GRIN2B: variants seen among roughly 807,000 people sequenced by gnomAD.
GRIN2B encodes glutamate receptor ionotropic, NMDA 2B.
A neutral mutation model predicts 114.5 loss-of-function variants in GRIN2B; 5 were observed. That is an observed-to-expected ratio of 0.04 (90% CI 0.02 to 0.09). The LOEUF is 0.09. Among genes scored for constraint, GRIN2B ranks in the 10% least tolerant of loss-of-function variants. GRIN2B has a pLI of 1.00. For missense variants in GRIN2B, 1,108 were observed against 1,943.5 expected (o/e 0.57, Z 8.08); for synonymous variants, 787 against 745.1 (o/e 1.06, Z -0.92).
chr12:13,833,780 C>A (rs1274868522), intron 3 of GRIN2B, among the ~76,000 whole-genome samples: 1 of 152,150 alleles, frequency 6.6e-6, no homozygotes, highest in African/African-American at 2.4e-5. Flanking sequence ...GCATAAGGGA[C>A]TTTTCCACAG....
At chr12:13,765,570 T>C (rs1212710940) in intron 3 of GRIN2B, among the ~76,000 whole-genome samples, 2 of 152,242 alleles carry the variant, frequency 1.3e-5, no homozygotes. Context: ...TAAAGATTAT[T>C]ACTAAGCCCA....
intron 3 of GRIN2B, among the ~76,000 whole-genome samples, chr12:13,807,940 G>C (rs1864640791): frequency 6.6e-6 from 1 of 152,024 alleles, no homozygotes; most frequent in East Asian, 1.9e-4. Context: ...TCCATAATCT[G>C]TTATGCTTTT....
intron 3 of GRIN2B, among the ~76,000 whole-genome samples, chr12:13,842,061 C>T (rs753984163): frequency 6.6e-6 from 1 of 152,112 alleles, no homozygotes; most frequent in Non-Finnish European, 1.5e-5. Context: ...GCAAAGTCCC[C>T]ACCAAGACTG....
intron 3 of GRIN2B, among the ~76,000 whole-genome samples, chr12:13,795,988 G>A (rs1283044052): frequency 1.3e-5 from 2 of 151,134 alleles, no homozygotes; most frequent in East Asian, 2.0e-4. Flanking sequence ...TGTAAATGAC[G>A]AGTTAATGGG....
At position 13,870,278 on chromosome 12, in the gene GRIN2B, A is replaced by G. The variant is rs80348475; in HGVS notation, c.-18-4052T>C. Among the ~76,000 whole-genome samples, 548 of 152,322 alleles carry G rather than the reference A, an allele frequency of 3.6e-3. 2 individuals are homozygous for G. The highest frequency in any genetic ancestry group is 0.01 in the Middle Eastern group (3 of 294). ...CCAGTATTGGGAATCAGTGGAGCTC[A>G]GCATATCGAAATCATGCCATGAATT... On this transcript the variant is annotated intron_variant, in intron 2 of 13. Coordinates refer to ENST00000609686, the MANE Select transcript of GRIN2B (RefSeq NM_000834.5).
In GRIN2B at chr12:13,550,030, G is replaced by A. The variant is rs1948390879; in HGVS notation, c.*12753C>T. The A allele has an allele frequency of 2.6e-5, 4 of 152,180 alleles. No individual in the cohort carries two copies. Among genetic ancestry groups the A allele is most frequent in the Admixed American group, 2.0e-4 (3 of 15,280 alleles). 9.4% of individuals were successfully genotyped at this position (152,180 alleles called of 1,614,324 possible). A position where few individuals can be genotyped will look rare whatever the true frequency, so the allele number is the denominator to read the frequency against. On this transcript the variant is annotated 3_prime_UTR_variant, in exon 14 of 14. Coordinates refer to ENST00000609686, the MANE Select transcript of GRIN2B (RefSeq NM_000834.5). ...GACTGAGAGTTAGAAATTTGGACAA[G>A]TTTTGGTTCAGCCAAGTTTTGGTTC... is the stretch of plus-strand genomic sequence containing the variant.
chr12:13,628,858 A>C (rs75075152), intron 5 of GRIN2B, among the ~76,000 whole-genome samples: 11,167 of 152,326 alleles, frequency 0.073, 592 homozygotes, highest in South Asian at 0.14. Context: ...AATGTAGTTG[A>C]AAGTGTGATC....
At chr12:13,590,429 C>T (rs1948991870) in intron 10 of GRIN2B, among the ~76,000 whole-genome samples, 1 of 152,102 alleles carries the variant, frequency 6.6e-6, no homozygotes, top group Non-Finnish European at 1.5e-5. Context: ...TGATGTTCCC[C>T]TCCCTGTGTC....
intron 3 of GRIN2B, among the ~76,000 whole-genome samples, chr12:13,823,128 A>G (rs141915446): frequency 2.0e-5 from 3 of 152,124 alleles, no homozygotes; most frequent in African/African-American, 7.2e-5. Context: ...ATTCTTTAAA[A>G]TTGTATTGAC....
At chr12:13,631,410 C>A (rs567621843) in intron 5 of GRIN2B, among the ~76,000 whole-genome samples, 1 of 152,162 alleles carries the variant, frequency 6.6e-6, no homozygotes, top group African/African-American at 2.4e-5. Flanking sequence ...AAAATACCCT[C>A]ATATAGGTTT....
At chr12:13,795,463 C>T (rs1864403110) in intron 3 of GRIN2B, among the ~76,000 whole-genome samples, 1 of 151,988 alleles carries the variant, frequency 6.6e-6, no homozygotes, top group Non-Finnish European at 1.5e-5. Context: ...TCTGAACTTC[C>T]GTTTTCTCAC....
At chr12:13,828,116 ATGTG>A (rs1367668020) in intron 3 of GRIN2B, among the ~76,000 whole-genome samples, 1 of 152,146 alleles carries the variant, frequency 6.6e-6, no homozygotes, top group East Asian at 1.9e-4. Flanking sequence ...GCACATATTC[ATGTG>A]TGTAATAATT....
chr12:13,590,109 T>C (rs971057872), intron 10 of GRIN2B, among the ~76,000 whole-genome samples: 1 of 152,130 alleles, frequency 6.6e-6, no homozygotes. Context: ...TGAGAGAGCT[T>C]GAAGTAGAAT....
At chr12:13,620,941 T>C (rs1377740849) in intron 5 of GRIN2B, among the ~76,000 whole-genome samples, 1 of 89,562 alleles carries the variant, frequency 1.1e-5, no homozygotes, top group Non-Finnish European at 2.4e-5. Flanking sequence ...TACTGAAAGG[T>C]GAAACTTTTT....
chr12:13,906,266 C>T lies in GRIN2B; in HGVS notation c.-18-40040G>A, dbSNP rs543982369. On this transcript the variant is annotated intron_variant, in intron 2 of 13. Transcript: ENST00000609686. The stretch of plus-strand genomic sequence containing the variant: ...AACATACTCCATCTTGTACCTGGCC[C>T]CCTAACTACAAGTAAACCCATAAAT... Among the ~76,000 whole-genome samples the T allele has an allele frequency of 1.6e-4, 25 of 152,270 alleles. No individual in the cohort carries two copies. In the South Asian group the frequency reaches 5.2e-3, roughly 32 times the overall value.
At chr12:13,599,236 G>T (rs1949119928) in intron 10 of GRIN2B, among the ~76,000 whole-genome samples, 1 of 152,096 alleles carries the variant, frequency 6.6e-6, no homozygotes, top group Admixed American at 6.6e-5. Context: ...TAAATGGTTG[G>T]GCTTCCCTAG....
intron 10 of GRIN2B, among the ~76,000 whole-genome samples, chr12:13,574,403 C>G (rs1024937989): frequency 6.6e-6 from 1 of 152,254 alleles, no homozygotes; most frequent in East Asian, 1.9e-4. Context: ...CAGTAATTCC[C>G]CACAATACTA....
At chr12:13,596,233 A>T (rs1313362835) in intron 10 of GRIN2B, among the ~76,000 whole-genome samples, 1 of 152,208 alleles carries the variant, frequency 6.6e-6, no homozygotes, top group East Asian at 1.9e-4. Context: ...AGTCCAAAAA[A>T]GGTGGAGTCC....
chr12:13,820,990 G>A (rs1433640704), intron 3 of GRIN2B, among the ~76,000 whole-genome samples: 3 of 151,924 alleles, frequency 2.0e-5, no homozygotes, highest in Non-Finnish European at 4.4e-5. Context: ...GCCCCAACTG[G>A]TTTTTTTCTT....
Sources: gnomAD v4.1 joint callset for allele counts (sites outside exome capture counted in the v4.1 genomes callset) on GRCh38, gnomAD v4.1.1 for gene constraint, MANE v1.5 for transcripts, NCBI Gene and HGNC (gene_info 2026-07-23, HGNC 2026-07-21) for gene names.